The following PALM2AKAP2 variants were observed in gnomAD, a reference collection of about 807,000 sequenced individuals.
PALM2AKAP2 encodes the protein PALM2 and AKAP2 fusion.
In PALM2AKAP2, 37 loss-of-function variants were observed where a neutral mutation model predicts 71.5. That is an observed-to-expected ratio of 0.52 (90% confidence interval 0.40 to 0.68). PALM2AKAP2 has a LOEUF of 0.68. Ranked by LOEUF, PALM2AKAP2 falls within the 30% of genes least tolerant of loss-of-function variation. PALM2AKAP2 has a pLI of 0.00. For synonymous variants in PALM2AKAP2, 468 were observed against 478.8 expected (o/e 0.98, Z 0.29); for missense variants, 1,224 against 1,191.8 (o/e 1.03, Z -0.40).
chr9:109,840,829 T>C lies in PALM2AKAP2; in HGVS notation c.46-26662T>C, dbSNP rs979026437. Among the ~76,000 whole-genome samples, 11 of 152,266 alleles carry C rather than the reference T, an allele frequency of 7.2e-5. No individual in the cohort carries two copies. The East Asian group carries it at 7.7e-4, about 11-fold the overall frequency. On this transcript the variant is annotated intron_variant, in intron 1 of 9. Coordinates refer to the PALM2AKAP2 transcript ENST00000302798. ...AAAACCACAATGAGATACCATCTCATACCAGTTAGAATGGCGATCATTAAA... is the reference window on the plus strand; with the variant it reads ...AAAACCACAATGAGATACCATCTCACACCAGTTAGAATGGCGATCATTAAA...
intron 1 of PALM2AKAP2, among the ~76,000 whole-genome samples, chr9:110,069,174 T>C (rs532301485): frequency 6.6e-6 from 1 of 152,308 alleles, no homozygotes; most frequent in Non-Finnish European, 1.5e-5. Context: ...AAAACCTTGG[T>C]TTTGTAAACT....
intron 1 of PALM2AKAP2, among the ~76,000 whole-genome samples, chr9:109,791,622 G>C (rs1004033770): frequency 6.6e-6 from 1 of 152,226 alleles, no homozygotes; most frequent in Non-Finnish European, 1.5e-5. Context: ...GGGTCCATGT[G>C]CCAGCCACCC....
intron 1 of PALM2AKAP2, among the ~76,000 whole-genome samples, chr9:109,710,093 A>G (rs1828209602): frequency 6.6e-6 from 1 of 152,228 alleles, no homozygotes; most frequent in Non-Finnish European, 1.5e-5. Context: ...AATGCCAAGT[A>G]TTGCTGGCAG....
chr9:109,915,561 A>G (rs1830667186), intron 3 of PALM2AKAP2, among the ~76,000 whole-genome samples: 1 of 152,184 alleles, frequency 6.6e-6, no homozygotes, highest in Admixed American at 6.5e-5. Flanking sequence ...GCAACCCTGG[A>G]CAAGTCAGTG....
intron 6 of PALM2AKAP2, among the ~76,000 whole-genome samples, chr9:109,969,345 G>T (rs1304890586): frequency 1.3e-5 from 2 of 152,216 alleles, no homozygotes; most frequent in East Asian, 3.9e-4. Flanking sequence ...ACAGTCTCCC[G>T]CTCTGTCCTA....
At chr9:109,821,223 A>G (rs1827991851) in intron 1 of PALM2AKAP2, among the ~76,000 whole-genome samples, 1 of 152,160 alleles carries the variant, frequency 6.6e-6, no homozygotes, top group Admixed American at 6.6e-5. Flanking sequence ...TAGGTGCTTA[A>G]TAATTGTCTT....
intron 1 of PALM2AKAP2, among the ~76,000 whole-genome samples, chr9:109,748,521 C>G (rs1008626298): frequency 6.6e-6 from 1 of 152,150 alleles, no homozygotes; most frequent in African/African-American, 2.4e-5. Context: ...CTACTTTGAT[C>G]AAATAATGTG....
At chr9:110,129,060 T>C (rs575622256) in intron 1 of PALM2AKAP2, among the ~76,000 whole-genome samples, 1 of 152,276 alleles carries the variant, frequency 6.6e-6, no homozygotes, top group South Asian at 2.1e-4. Flanking sequence ...TCTTAATATT[T>C]TACCTCTGGC....
At chr9:109,808,212 A>G (rs1203626016) in intron 1 of PALM2AKAP2, among the ~76,000 whole-genome samples, 1 of 152,256 alleles carries the variant, frequency 6.6e-6, no homozygotes, top group Non-Finnish European at 1.5e-5. Flanking sequence ...TGGAGTGCTC[A>G]GAAGAAGTCA....
At chr9:109,761,929 T>C (rs1037370972) in intron 1 of PALM2AKAP2, among the ~76,000 whole-genome samples, 9 of 152,198 alleles carry the variant, frequency 5.9e-5, no homozygotes, top group South Asian at 4.2e-4. Flanking sequence ...AACAAACATA[T>C]GAAAAAAAGC....
At chr9:110,117,565 C>T (rs116362499) in intron 1 of PALM2AKAP2, among the ~76,000 whole-genome samples, 3,580 of 152,164 alleles carry the variant, frequency 0.024, 140 homozygotes, top group African/African-American at 0.081. Context: ...AAGAGTATAC[C>T]TGAGTCTGAG....
chr9:109,836,834 G>T (rs1227279747), intron 1 of PALM2AKAP2, among the ~76,000 whole-genome samples: 6 of 152,148 alleles, frequency 3.9e-5, no homozygotes, highest in Non-Finnish European at 7.3e-5. Context: ...AGAGAAAAAA[G>T]AGTAAAAAGA....
chr9:110,116,281 C>A (rs1246693619), intron 1 of PALM2AKAP2, among the ~76,000 whole-genome samples: 1 of 151,930 alleles, frequency 6.6e-6, no homozygotes, highest in Non-Finnish European at 1.5e-5. Context: ...TGAACAAACC[C>A]AAAATATTAT....
intron 1 of PALM2AKAP2, among the ~76,000 whole-genome samples, chr9:109,807,862 G>A (rs1277556018): frequency 9.9e-5 from 15 of 152,162 alleles, no homozygotes; most frequent in Non-Finnish European, 1.6e-4. Flanking sequence ...CTGTGCTGCT[G>A]TTCTCATTAT....
chr9:109,897,274 A>G (rs1257960049), intron 3 of PALM2AKAP2, among the ~76,000 whole-genome samples: 1 of 152,184 alleles, frequency 6.6e-6, no homozygotes, highest in African/African-American at 2.4e-5. Context: ...GTTAACATGT[A>G]TAAATTGCTT....
chr9:109,750,570 A>ATGTGTG (rs746154004), intron 1 of PALM2AKAP2, among the ~76,000 whole-genome samples: 1 of 97,764 alleles, frequency 1.0e-5, no homozygotes, highest in African/African-American at 4.0e-5. Flanking sequence ...CTGCCCTAGG[A>ATGTGTG]CGTGTGTGTG....
At chr9:110,065,221 ATTT>A (rs1295182203) in intron 1 of PALM2AKAP2, among the ~76,000 whole-genome samples, 8 of 152,004 alleles carry the variant, frequency 5.3e-5, no homozygotes, top group South Asian at 2.1e-4. Context: ...GTTATTTATT[ATTT>A]ATTTATTTAT....
At chr9:110,153,376 T>A (rs1407526699) in intron 2 of PALM2AKAP2, among the ~76,000 whole-genome samples, 1 of 152,198 alleles carries the variant, frequency 6.6e-6, no homozygotes, top group Non-Finnish European at 1.5e-5. Context: ...ACATCCACCC[T>A]AACTACATTC....
At chr9:110,118,172 TTA>T (rs368895214) in intron 1 of PALM2AKAP2, among the ~76,000 whole-genome samples, 16 of 145,032 alleles carry the variant, frequency 1.1e-4, no homozygotes, top group African/African-American at 2.8e-4. Flanking sequence ...GGAATATATA[TTA>T]TATATATATA....
Sources: allele counts gnomAD v4.1 joint callset (sites outside exome capture counted in the v4.1 genomes callset), GRCh38; gene constraint gnomAD v4.1.1; transcripts MANE v1.5; gene names NCBI Gene and HGNC (gene_info 2026-07-23, HGNC 2026-07-21).